Variants in SLC16A12 observed in about 807,000 individuals in gnomAD.
SLC16A12 encodes solute carrier family 16 member 12.
Under a neutral mutation model 42.4 loss-of-function variants are expected in SLC16A12, and 17 were observed. The observed-to-expected ratio is 0.40, with a 90% CI of 0.27 to 0.60. SLC16A12 has a LOEUF of 0.60. Among genes scored for constraint, SLC16A12 ranks in the 20% least tolerant of loss-of-function variants. The pLI is 0.42. For missense variants in SLC16A12, 544 were observed against 623.0 expected (o/e 0.87, Z 1.35); for synonymous variants, 224 against 229.4 (o/e 0.98, Z 0.21).
chr10:89,472,074 C>T (rs1842503401), intron 2 of SLC16A12, among the ~76,000 whole-genome samples: 1 of 152,064 alleles, frequency 6.6e-6, no homozygotes, highest in African/African-American at 2.4e-5. Context: ...CTGTGGCTTA[C>T]CTATTCATTA....
intron 2 of SLC16A12, among the ~76,000 whole-genome samples, chr10:89,519,260 G>T (rs886381394): frequency 6.7e-6 from 1 of 148,232 alleles, no homozygotes; most frequent in Admixed American, 6.9e-5. Context: ...AAAAAACTAC[G>T]CATCGGGTAC....
At chr10:89,546,475 A>G (rs781647869) in intron 2 of SLC16A12, among the ~76,000 whole-genome samples, 1 of 152,362 alleles carries the variant, frequency 6.6e-6, no homozygotes, top group South Asian at 2.1e-4. Flanking sequence ...AATCAAAACC[A>G]CAATGAGATA....
chr10:89,553,053 C>T (rs1843780989), intron 2 of SLC16A12, among the ~76,000 whole-genome samples: 1 of 152,172 alleles, frequency 6.6e-6, no homozygotes, highest in African/African-American at 2.4e-5. Context: ...TGAGACCAGC[C>T]TGGCCAATAG....
chr10:89,502,286 T>TA (rs1843000661), intron 2 of SLC16A12, among the ~76,000 whole-genome samples: 1 of 151,802 alleles, frequency 6.6e-6, no homozygotes, highest in African/African-American at 2.4e-5. Flanking sequence ...CCGTCTCTAC[T>TA]AAAAATAAAA....
At chr10:89,446,010 AT>A (rs2133702912) in intron 3 of SLC16A12, among the ~76,000 whole-genome samples, 1 of 152,348 alleles carries the variant, frequency 6.6e-6, no homozygotes, top group East Asian at 1.9e-4. Context: ...GGTATCAGTG[AT>A]TGAAGATCAA....
At chr10:89,538,917 C>T (rs1204976793), upstream of SLC16A12, among the ~76,000 whole-genome samples, 2 of 152,170 alleles carry the variant, frequency 1.3e-5, no homozygotes, top group Non-Finnish European at 2.9e-5. Flanking sequence ...GCAATAACGT[C>T]CCTTCCCATT....
At chr10:89,485,625 G>C (rs146623797) in intron 2 of SLC16A12, among the ~76,000 whole-genome samples, 45 of 152,320 alleles carry the variant, frequency 3.0e-4, no homozygotes, top group African/African-American at 1.1e-3. Context: ...GAGGGATTCA[G>C]GCATGGGGAA....
At chr10:89,480,649 G>C (rs942192676) in intron 2 of SLC16A12, among the ~76,000 whole-genome samples, 3 of 151,992 alleles carry the variant, frequency 2.0e-5, no homozygotes, top group Admixed American at 6.6e-5. Flanking sequence ...AACATGATTA[G>C]AAAATTAGTA....
At chr10:89,505,025 C>G (rs529619998) in intron 2 of SLC16A12, among the ~76,000 whole-genome samples, 1 of 152,164 alleles carries the variant, frequency 6.6e-6, no homozygotes, top group Admixed American at 6.5e-5. Context: ...TGAATTGATA[C>G]AGCTTGATTC....
chr10:89,490,615 C>T (rs1395346656), intron 2 of SLC16A12, among the ~76,000 whole-genome samples: 2 of 152,142 alleles, frequency 1.3e-5, no homozygotes, highest in African/African-American at 4.8e-5. Flanking sequence ...TATGGGGGGC[C>T]GGGATTGGGA....
At chr10:89,466,516 C>T (rs1842403384) in intron 2 of SLC16A12, among the ~76,000 whole-genome samples, 1 of 152,206 alleles carries the variant, frequency 6.6e-6, no homozygotes, top group Non-Finnish European at 1.5e-5. Context: ...CACCCACAAA[C>T]CAGCAGCAAC....
intron 2 of SLC16A12, among the ~76,000 whole-genome samples, chr10:89,532,225 A>T (rs1362829473): frequency 2.6e-5 from 4 of 152,008 alleles, no homozygotes; most frequent in Non-Finnish European, 5.9e-5. Context: ...AATTAACCCT[A>T]CTCGTCAATG....
chr10:89,492,498 G>A (rs912952625), intron 2 of SLC16A12, among the ~76,000 whole-genome samples: 2 of 152,072 alleles, frequency 1.3e-5, no homozygotes, highest in Middle Eastern at 3.2e-3. Context: ...GGGAGGCTGA[G>A]GCGGGCGGAT....
At chr10:89,491,093 C>A (rs1842839977) in intron 2 of SLC16A12, among the ~76,000 whole-genome samples, 1 of 152,178 alleles carries the variant, frequency 6.6e-6, no homozygotes, top group South Asian at 2.1e-4. Flanking sequence ...TGACTTCTCC[C>A]ATGAATAGCA....
chr10:89,430,511 A>G lies in SLC16A12; in HGVS notation c.*2553T>C, dbSNP rs1263542212. 2.4e-6 allele frequency: 1 copy of G among 411,074 alleles called. No homozygotes were observed. Among genetic ancestry groups the G allele is most frequent in the Admixed American group, 4.2e-5 (1 of 23,796 alleles). 25.5% of individuals were successfully genotyped at this position (411,074 alleles called of 1,614,324 possible). A position where few individuals can be genotyped will look rare whatever the true frequency, so the allele number is the denominator to read the frequency against. ...AATATTTAAGATGTAAAATTATCCC[A>G]CTATAATTTTGTTCTTGATTCCACA... On this transcript the variant is annotated 3_prime_UTR_variant, in exon 8 of 8. Coordinates refer to ENST00000371790, the MANE Select transcript of SLC16A12 (RefSeq NM_213606.4).
chr10:89,523,152 T>A (rs1843386073), intron 2 of SLC16A12, among the ~76,000 whole-genome samples: 1 of 152,154 alleles, frequency 6.6e-6, no homozygotes. Flanking sequence ...AATTTACTCA[T>A]GTGTCTCTTT....
intron 2 of SLC16A12, among the ~76,000 whole-genome samples, chr10:89,521,038 C>A (rs1843344005): frequency 6.6e-6 from 1 of 152,190 alleles, no homozygotes; most frequent in Admixed American, 6.5e-5. Flanking sequence ...ATGTAAAGTG[C>A]TTTCAATCCC....
chr10:89,517,191 C>T (rs1843267731), intron 2 of SLC16A12, among the ~76,000 whole-genome samples: 2 of 152,116 alleles, frequency 1.3e-5, no homozygotes, highest in East Asian at 1.9e-4. Flanking sequence ...TGCCACTGTA[C>T]TCCAGCGTGG....
chr10:89,466,337 G>C (rs1253077661), intron 2 of SLC16A12, among the ~76,000 whole-genome samples: 2 of 152,190 alleles, frequency 1.3e-5, no homozygotes, highest in Non-Finnish European at 2.9e-5. Flanking sequence ...TGGGCTATGA[G>C]CATTGCAGAA....
Sources: allele counts gnomAD v4.1 joint callset (sites outside exome capture counted in the v4.1 genomes callset), GRCh38; gene constraint gnomAD v4.1.1; transcripts MANE v1.5; gene names NCBI Gene and HGNC (gene_info 2026-07-23, HGNC 2026-07-21).